CEMIP: variants seen among roughly 807,000 people sequenced by gnomAD.
CEMIP encodes cell migration inducing hyaluronidase 1, also known as cell migration-inducing and hyaluronan-binding protein.
A neutral mutation model predicts 156.9 loss-of-function variants in CEMIP; 105 were observed. That is an observed-to-expected ratio of 0.67 (90% CI 0.57 to 0.79). The LOEUF (loss-of-function observed/expected upper bound fraction) is 0.79. Ranked by LOEUF, CEMIP falls within the 30% of genes least tolerant of loss-of-function variation. The probability of loss-of-function intolerance (pLI) is 0.00; values close to 1 mark genes in which losing one functional copy is unlikely to be tolerated. For synonymous variants in CEMIP, 676 were observed against 668.4 expected, an observed-to-expected ratio of 1.01 and a Z score of -0.17; for missense variants, 1,457 against 1,769.4, an observed-to-expected ratio of 0.82 and a Z score of 3.17.
At chr15:80,817,509 G>A (rs1216186320) in intron 1 of CEMIP, among the ~76,000 whole-genome samples, 2 of 151,934 alleles carry the variant, frequency 1.3e-5, no homozygotes, top group African/African-American at 2.4e-5. Flanking sequence ...GCTGAGGTGG[G>A]AGGATCACTT....
rs780298423 is a variant in CEMIP, at chr15:80,906,730, T to C, written c.1479T>C (p.Leu493=). The C allele has an allele frequency of 6.2e-7, 1 of 1,614,196 alleles. No individual in the cohort carries two copies. Among genetic ancestry groups the C allele is most frequent in the Middle Eastern group, 1.7e-4 (1 of 6,060 alleles). ...DGVDMRAEVG[L]LSRNIIVMGE... is the part of the protein sequence containing the mutation. ...TGGACATGCGGGCGGAGGTTGGGCT[T>C]CTGAGCCGGAACATCATAGTGATGG... The change falls in exon 13 of 30, where the codon CTT becomes CTC. Residue 493 remains leucine (L), a synonymous_variant. Coordinates refer to ENST00000394685, the MANE Select transcript of CEMIP (RefSeq NM_001293298.2). This position sits in a 1 kb window ranked among gnomAD's most constrained non-coding sequence, Gnocchi z 4.3.
chr15:80,832,322 C>CTGTGTGGGTGTGTGTGTGTGTGTGTG (rs1897173504), intron 1 of CEMIP, among the ~76,000 whole-genome samples: 1 of 127,996 alleles, frequency 7.8e-6, no homozygotes, highest in Non-Finnish European at 1.6e-5. Context: ...AAAATAAACT[C>CTGTGTGGGTGTGTGTGTGTGTGTGTG]TGTGTGTGTG....
At chr15:80,812,885 G>A (rs1896702713) in intron 1 of CEMIP, among the ~76,000 whole-genome samples, 1 of 152,188 alleles carries the variant, frequency 6.6e-6, no homozygotes, top group Non-Finnish European at 1.5e-5. Flanking sequence ...AGGTTTGTGT[G>A]CCCTGTTGGA....
chr15:80,848,165 T>G (rs1411607578), intron 1 of CEMIP, among the ~76,000 whole-genome samples: 1 of 152,220 alleles, frequency 6.6e-6, no homozygotes. Flanking sequence ...GAGAGACCCC[T>G]GCAGGAGACT....
intron 7 of CEMIP, 107 bp from the exon 8 acceptor site, chr15:80,887,587 C>T (rs1486796314): frequency 5.1e-6 from 4 of 790,690 alleles, no homozygotes; most frequent in Non-Finnish European, 8.6e-6. Flanking sequence ...CAGGGAGGGA[C>T]CCTCCTTCAC....
intron 1 of CEMIP, among the ~76,000 whole-genome samples, chr15:80,856,098 T>G (rs1897846947): frequency 6.6e-6 from 1 of 152,196 alleles, no homozygotes; most frequent in Non-Finnish European, 1.5e-5. Flanking sequence ...ATTTCTCACT[T>G]AGAAGAGTGG....
chr15:80,884,622 C>A (rs1410636053), intron 7 of CEMIP, among the ~76,000 whole-genome samples: 1 of 152,220 alleles, frequency 6.6e-6, no homozygotes, highest in Non-Finnish European at 1.5e-5. Context: ...CGGCCACTTA[C>A]AAAATATTAA....
At chr15:80,800,362 C>T (rs75332183) in intron 1 of CEMIP, among the ~76,000 whole-genome samples, 2,152 of 152,170 alleles carry the variant, frequency 0.014, 18 homozygotes, top group Non-Finnish European at 0.022. Flanking sequence ...TTTGTAGAGT[C>T]TCAGGGCCTA....
chr15:80,935,445 C>T (rs1417488506), intron 23 of CEMIP, among the ~76,000 whole-genome samples: 1 of 152,186 alleles, frequency 6.6e-6, no homozygotes, highest in Non-Finnish European at 1.5e-5. Context: ...TCATAACTGG[C>T]AACTGGTTAT....
At chr15:80,893,846 T>C (rs1899118828) in intron 10 of CEMIP, among the ~76,000 whole-genome samples, 1 of 152,122 alleles carries the variant, frequency 6.6e-6, no homozygotes, top group Non-Finnish European at 1.5e-5. Flanking sequence ...TTTTTTTTTT[T>C]TTTGACTGGC....
intron 1 of CEMIP, among the ~76,000 whole-genome samples, chr15:80,797,895 G>C (rs1896273341): frequency 6.6e-6 from 1 of 152,228 alleles, no homozygotes; most frequent in East Asian, 1.9e-4. Flanking sequence ...TGTGTAGAAA[G>C]GAAATGCTCC....
At chr15:80,787,665 T>A (rs1895973624) in intron 1 of CEMIP, among the ~76,000 whole-genome samples, 1 of 152,230 alleles carries the variant, frequency 6.6e-6, no homozygotes, top group Non-Finnish European at 1.5e-5. Flanking sequence ...TTAGGTTGGA[T>A]CCTTGGTTGC....
chr15:80,895,458 GA>G (rs1269478030), intron 11 of CEMIP, among the ~76,000 whole-genome samples: 2 of 152,106 alleles, frequency 1.3e-5, no homozygotes, highest in African/African-American at 4.8e-5. Flanking sequence ...GAAGAGATTG[GA>G]AATGGTCGGG....
At chr15:80,857,134 G>C (rs928616356) in intron 1 of CEMIP, among the ~76,000 whole-genome samples, 2 of 152,246 alleles carry the variant, frequency 1.3e-5, no homozygotes, top group African/African-American at 2.4e-5. Flanking sequence ...GCTGGGCAGA[G>C]GGAGGAGTAG....
intron 14 of CEMIP, among the ~76,000 whole-genome samples, chr15:80,910,935 A>G (rs1489428826): frequency 6.6e-6 from 1 of 152,228 alleles, no homozygotes; most frequent in East Asian, 1.9e-4. Context: ...TTCTGGCTGA[A>G]GCTGAAAGAC....
In CEMIP at chr15:80,949,007, CCCAGCCCCTG is replaced by C. The variant is rs982139339; in HGVS notation, c.*89_*98del. On this transcript the variant is annotated 3_prime_UTR_variant, in exon 30 of 30. Transcript: ENST00000394685. Reference sequence around the variant, plus strand: ...AGACCAGTGGGGGATGGCTGGGTCCCCCAGCCCCTGCCAGCAGCTGCCTGGGAAGGCCGTG... The same window carrying C: ...AGACCAGTGGGGGATGGCTGGGTCCCCCAGCAGCTGCCTGGGAAGGCCGTG... 51 of 1,578,466 alleles carry C rather than the reference CCCAGCCCCTG, an allele frequency of 3.2e-5. 2 individuals are homozygous for C. The highest frequency in any genetic ancestry group is 3.1e-4 in the African/African-American group (23 of 74,322).
intron 1 of CEMIP, among the ~76,000 whole-genome samples, chr15:80,837,356 G>A (rs1213181432): frequency 1.3e-5 from 2 of 152,158 alleles, no homozygotes; most frequent in Non-Finnish European, 2.9e-5. Flanking sequence ...CTAGAATCAG[G>A]TAAGCAGAGG....
chr15:80,837,430 T>C (rs1309665019), intron 1 of CEMIP, among the ~76,000 whole-genome samples: 1 of 152,188 alleles, frequency 6.6e-6, no homozygotes, highest in Non-Finnish European at 1.5e-5. Flanking sequence ...CCATTCTTTA[T>C]GGCAACCTGG....
Position 80,822,690 on chromosome 15 carries a change from C to T in CEMIP, c.-176+43076C>T, listed in dbSNP as rs7174621. On this transcript the variant is annotated intron_variant, in intron 1 of 29. Coordinates refer to ENST00000394685, the MANE Select transcript of CEMIP (RefSeq NM_001293298.2). ...TGATGGTGAACACTCTAAGGTGGCTCGGTTTTCGTAGGACCAAGCACAGCT... is the reference window on the plus strand; with the variant it reads ...TGATGGTGAACACTCTAAGGTGGCTTGGTTTTCGTAGGACCAAGCACAGCT... Among the ~76,000 whole-genome samples, 719 of 152,242 alleles carry T rather than the reference C, an allele frequency of 4.7e-3. 5 individuals are homozygous for T. Among genetic ancestry groups the T allele is most frequent in the African/African-American group, 0.016 (683 of 41,530 alleles).
Sources: allele counts gnomAD v4.1 joint callset (sites outside exome capture counted in the v4.1 genomes callset), GRCh38; gene constraint gnomAD v4.1.1; non-coding constraint Gnocchi (gnomAD v3.1); transcripts MANE v1.5; gene names NCBI Gene and HGNC (gene_info 2026-07-23, HGNC 2026-07-21).